MTMR14: variants seen among roughly 807,000 people sequenced by gnomAD.
MTMR14 encodes myotubularin related protein 14.
Under a neutral mutation model 86.3 loss-of-function variants are expected in MTMR14, and 48 were observed. That is an observed-to-expected ratio of 0.56 (90% confidence interval 0.44 to 0.71). The LOEUF (loss-of-function observed/expected upper bound fraction) is 0.71, where lower values mean the gene tolerates loss of function less well. Among genes scored for constraint, MTMR14 ranks in the 30% least tolerant of loss-of-function variants. The probability of loss-of-function intolerance (pLI) is 0.00; values close to 1 mark genes in which losing one functional copy is unlikely to be tolerated. For missense variants in MTMR14, 780 were observed against 834.6 expected (o/e 0.93, Z 0.81); for synonymous variants, 366 against 326.1 (o/e 1.12, Z -1.32).
intron 13 of MTMR14, among the ~76,000 whole-genome samples, chr3:9,687,026 G>A (rs377370680): frequency 9.2e-5 from 14 of 152,312 alleles, no homozygotes; most frequent in South Asian, 6.2e-4. Flanking sequence ...GCCCACACCC[G>A]CAGTTCTGAA....
Position 9,672,604 on chromosome 3 carries a change from G to T in MTMR14, c.678-81G>T, listed in dbSNP as rs943820203. The stretch of plus-strand genomic sequence containing the variant: ...TTTTTTTAGCAGAAGCTTCATTTGT[G>T]ATTATAACCCTTATTTGGGGAATGG... On this transcript the variant is annotated intron_variant, in intron 6 of 18. Coordinates refer to ENST00000296003, the MANE Select transcript of MTMR14 (RefSeq NM_001077525.3). The T allele has an allele frequency of 2.4e-6, 3 of 1,241,608 alleles. No homozygotes were observed. In the African/African-American group the frequency reaches 4.4e-5, roughly 18 times the overall value. 76.9% of individuals were successfully genotyped at this position (1,241,608 alleles called of 1,614,324 possible).
At chr3:9,686,759 C>G (rs1004330468) in intron 13 of MTMR14, among the ~76,000 whole-genome samples, 1 of 152,170 alleles carries the variant, frequency 6.6e-6, no homozygotes, top group Non-Finnish European at 1.5e-5. Context: ...TGACAGGGCT[C>G]GTGGGATGCC....
Position 9,701,661 on chromosome 3 carries a change from G to A in MTMR14, c.1770-129G>A, listed in dbSNP as rs752350166. 1.0e-4 allele frequency: 113 copies of A among 1,105,228 alleles called. 1 individual carries two copies. In the East Asian group the frequency reaches 2.2e-3, roughly 22 times the overall value. 68.5% of individuals were successfully genotyped at this position (1,105,228 alleles called of 1,614,324 possible). ...CCTGAACCACAAGGATAGCATGGCC[G>A]TAGGACAGACACTGGCCTTGTACAG... On this transcript the variant is annotated intron_variant, in intron 18 of 18. Transcript: ENST00000296003. This position sits in a 1 kb window ranked among gnomAD's most constrained non-coding sequence, Gnocchi z 4.2.
At chr3:9,657,891 A>G (rs2047706191) in intron 2 of MTMR14, among the ~76,000 whole-genome samples, 1 of 152,058 alleles carries the variant, frequency 6.6e-6, no homozygotes, top group South Asian at 2.1e-4. Context: ...CAGAGAAGTA[A>G]TTTGCCTTTG....
intron 13 of MTMR14, among the ~76,000 whole-genome samples, 196 bp downstream of exon 13, chr3:9,685,443 G>T (rs1408392031): frequency 6.6e-6 from 1 of 152,130 alleles, no homozygotes; most frequent in Non-Finnish European, 1.5e-5. Flanking sequence ...GGCCTCGCGG[G>T]CCTGTGCTGT....
intron 10 of MTMR14, 183 bp downstream of exon 10, chr3:9,683,427 A>T (rs542209323): frequency 5.9e-4 from 370 of 625,254 alleles, no homozygotes; most frequent in African/African-American, 5.2e-3. Context: ...GCTTTATTCC[A>T]TGTCCTCAAA....
At chr3:9,674,528 C>T (rs1315089869) in intron 7 of MTMR14, among the ~76,000 whole-genome samples, 1 of 152,134 alleles carries the variant, frequency 6.6e-6, no homozygotes, top group Non-Finnish European at 1.5e-5. Flanking sequence ...TGGCTCACGC[C>T]TTTAATCTCA....
chr3:9,698,726 G>A (rs1233642737), intron 18 of MTMR14, among the ~76,000 whole-genome samples: 1 of 152,224 alleles, frequency 6.6e-6, no homozygotes, highest in Non-Finnish European at 1.5e-5. Flanking sequence ...GAGCCAGTCA[G>A]ACCTTGAAAT....
At chr3:9,652,710 A>AT (rs1200226561) in intron 1 of MTMR14, among the ~76,000 whole-genome samples, 1 of 150,902 alleles carries the variant, frequency 6.6e-6, no homozygotes, top group Non-Finnish European at 1.5e-5. Flanking sequence ...AAAAAAAAAA[A>AT]GGAATGGGGA....
rs1178659328 is a variant in MTMR14, at chr3:9,649,637, T to C, written c.54T>C (p.Ser18=). 2 of 1,570,178 alleles carry C rather than the reference T, an allele frequency of 1.3e-6. No homozygotes were observed. The highest frequency in any genetic ancestry group is 3.8e-5 in the Admixed American group (2 of 52,974). The part of the protein sequence containing the change: ...AAAASAGSSA[S]SGNQPPQELG... ...CTGCCTCGGCGGGGTCCTCGGCCTC[T>C]TCAGGCAACCAGCCGCCTCAGGAGC... The change falls in exon 1 of 19, where the codon TCT becomes TCC. Residue 18 remains serine, a synonymous_variant. Coordinates refer to ENST00000296003, the MANE Select transcript of MTMR14 (RefSeq NM_001077525.3).
At chr3:9,663,293 C>T (rs1016109437) in intron 3 of MTMR14, among the ~76,000 whole-genome samples, 36 of 151,674 alleles carry the variant, frequency 2.4e-4, no homozygotes, top group African/African-American at 8.5e-4. Flanking sequence ...TGTCTCAGTC[C>T]CTGGTGTGCC....
intron 7 of MTMR14, among the ~76,000 whole-genome samples, chr3:9,674,267 G>T (rs2048733031): frequency 6.6e-6 from 1 of 152,176 alleles, no homozygotes; most frequent in Admixed American, 6.5e-5. Context: ...TGTCCTTTCT[G>T]CTGTAGTTTG....
intron 10 of MTMR14, 106 bp from the exon 11 acceptor site, chr3:9,684,479 C>T: frequency 9.7e-7 from 1 of 1,026,414 alleles, no homozygotes; most frequent in Non-Finnish European, 1.6e-6. Context: ...AAGACAGAAG[C>T]TGGTGGGGCC....
chr3:9,681,249 G>A (rs541663634), intron 9 of MTMR14, among the ~76,000 whole-genome samples: 1 of 152,252 alleles, frequency 6.6e-6, no homozygotes, highest in African/African-American at 2.4e-5. Flanking sequence ...CCATGTAACC[G>A]AATTGAATTC....
intron 15 of MTMR14, 27 bp from the exon 16 acceptor site, chr3:9,688,917 C>T (rs879165807): frequency 6.2e-7 from 1 of 1,613,840 alleles, no homozygotes; most frequent in South Asian, 1.1e-5. Flanking sequence ...AGGTAACACG[C>T]TGACTGATGG....
Position 9,690,074 on chromosome 3 carries a change from C to A in MTMR14, c.1544C>A (p.Ser515Tyr), listed in dbSNP as rs750024329. Residue 515 changes from serine (S) to tyrosine (Y), a missense_variant, in exon 17 of 19, where the codon TCC becomes TAC. Transcript: ENST00000296003. ...QGLAEARSSS[S>Y]SSSNHSDNFF... ...CTGGCGGAAGCCAGGTCTTCCAGCT[C>A]CTCTTCCTCAAACCATTCTGATAAC... 6.2e-7 allele frequency: 1 copy of A among 1,613,534 alleles called. No homozygotes were observed. The highest frequency in any genetic ancestry group is 1.1e-5 in the South Asian group (1 of 91,030).
chr3:9,697,640 G>C lies in MTMR14; in HGVS notation c.1614-71G>C. 5 of 1,561,446 alleles carry C rather than the reference G, an allele frequency of 3.2e-6. No homozygotes were observed. In the South Asian group the frequency reaches 3.5e-5, roughly 11 times the overall value. ...CAGCCAGGGCTGCGCTAGTCCCCTA[G>C]CCCCCTCCAGAGCCTGTGTCAGGCA... On this transcript the variant is annotated intron_variant, in intron 17 of 18. Transcript: ENST00000296003.
At chr3:9,661,323 A>G (rs1453197682) in intron 2 of MTMR14, among the ~76,000 whole-genome samples, 1 of 152,192 alleles carries the variant, frequency 6.6e-6, no homozygotes. Context: ...TCAGATCATG[A>G]GGCATTAGAT....
chr3:9,671,460 A>AT (rs146399430), intron 6 of MTMR14, among the ~76,000 whole-genome samples: 37 of 150,146 alleles, frequency 2.5e-4, no homozygotes, highest in South Asian at 2.1e-3. Flanking sequence ...ATATCTCTGT[A>AT]TTTTTTTTTT....
Sources: gnomAD v4.1 joint callset for allele counts (sites outside exome capture counted in the v4.1 genomes callset) on GRCh38, gnomAD v4.1.1 for gene constraint, Gnocchi (gnomAD v3.1) non-coding constraint, MANE v1.5 for transcripts, NCBI Gene and HGNC (gene_info 2026-07-23, HGNC 2026-07-21) for gene names.